The following KCNB2 variants were observed in gnomAD, a reference collection of about 807,000 sequenced individuals.
KCNB2 encodes delayed rectifier potassium channel protein.
In KCNB2, 15 loss-of-function variants were observed where a neutral mutation model predicts 61.5. The ratio of observed to expected loss-of-function variants is 0.24; its 90% CI spans 0.16 to 0.38. The LOEUF (loss-of-function observed/expected upper bound fraction) is 0.38. KCNB2 is among the 10% of genes least tolerant of loss of function. The probability of loss-of-function intolerance (pLI) is 1.00; values close to 1 mark genes in which losing one functional copy is unlikely to be tolerated. For synonymous variants in KCNB2, 457 were observed against 446.0 expected, an observed-to-expected ratio of 1.02 and a Z score of -0.31; for missense variants, 828 against 1,125.2, an observed-to-expected ratio of 0.74 and a Z score of 3.78.
intron 2 of KCNB2, among the ~76,000 whole-genome samples, chr8:72,772,323 T>A (rs1808574540): frequency 6.6e-6 from 1 of 152,214 alleles, no homozygotes; most frequent in Non-Finnish European, 1.5e-5. Context: ...TTCCTGTACA[T>A]CATAGGCTGC....
chr8:72,741,527 T>C (rs2128994576), intron 2 of KCNB2, among the ~76,000 whole-genome samples: 1 of 152,306 alleles, frequency 6.6e-6, no homozygotes, highest in Admixed American at 6.5e-5. Context: ...ACCCAAGCAA[T>C]GTACACTGCA....
intron 2 of KCNB2, among the ~76,000 whole-genome samples, chr8:72,898,229 G>A (rs1251738694): frequency 2.0e-5 from 3 of 151,882 alleles, no homozygotes; most frequent in Admixed American, 1.3e-4. Context: ...GACCATAGGT[G>A]GGAATTGAAC....
At chr8:72,559,363 T>G (rs1806476491) in intron 1 of KCNB2, among the ~76,000 whole-genome samples, 1 of 152,072 alleles carries the variant, frequency 6.6e-6, no homozygotes, top group Non-Finnish European at 1.5e-5. Context: ...CAGGCTGATC[T>G]TGAACTCTTG....
intron 2 of KCNB2, among the ~76,000 whole-genome samples, chr8:72,867,256 TGAGAA>T (rs775136449): frequency 6.6e-6 from 1 of 152,236 alleles, no homozygotes; most frequent in Non-Finnish European, 1.5e-5. Flanking sequence ...TGGCTTGATA[TGAGAA>T]ATCAGGTAGC....
At position 72,811,852 on chromosome 8, in the gene KCNB2, G is replaced by T. The variant is rs1809310468; in HGVS notation, c.580-124083G>T. ...TATAGGAGGAGTCATGAATATTTAT[G>T]AGAAGAGAAACATGTGCATGCGCAA... On this transcript the variant is annotated intron_variant, in intron 2 of 2. Transcript: ENST00000523207. Among the ~76,000 whole-genome samples the T allele has an allele frequency of 2.6e-5, 4 of 152,204 alleles. No individual in the cohort carries two copies. The South Asian group carries it at 8.3e-4, about 31-fold the overall frequency.
intron 2 of KCNB2, among the ~76,000 whole-genome samples, chr8:72,792,699 A>T (rs1166011581): frequency 2.0e-5 from 3 of 152,206 alleles, no homozygotes; most frequent in East Asian, 1.9e-4. Context: ...TCTATGGTAC[A>T]ACTAGAGTTG....
At chr8:72,659,168 G>A (rs780358793) in intron 2 of KCNB2, among the ~76,000 whole-genome samples, 12 of 152,228 alleles carry the variant, frequency 7.9e-5, no homozygotes, top group Admixed American at 2.0e-4. Flanking sequence ...GATGCCATTA[G>A]GAATATTCAT....
chr8:72,614,976 C>T (rs182338231), intron 2 of KCNB2, among the ~76,000 whole-genome samples: 34 of 152,208 alleles, frequency 2.2e-4, no homozygotes, highest in African/African-American at 7.9e-4. Context: ...ACCCTATGAG[C>T]AGATGATAGA....
chr8:72,652,882 T>G (rs889090616), intron 2 of KCNB2, among the ~76,000 whole-genome samples: 1 of 152,116 alleles, frequency 6.6e-6, no homozygotes, highest in African/African-American at 2.4e-5. Context: ...TCTCCAACAG[T>G]TGTGGAGACT....
At chr8:72,816,217 G>A (rs185359460) in intron 2 of KCNB2, among the ~76,000 whole-genome samples, 4 of 152,270 alleles carry the variant, frequency 2.6e-5, no homozygotes, top group Non-Finnish European at 5.9e-5. Context: ...GAATAGTAAT[G>A]CTCATCACCA....
intron 2 of KCNB2, among the ~76,000 whole-genome samples, chr8:72,731,214 C>G (rs901489556): frequency 1.3e-5 from 2 of 152,168 alleles, no homozygotes; most frequent in African/African-American, 2.4e-5. Flanking sequence ...TTATCCTATA[C>G]TTTCAGAGGA....
intron 2 of KCNB2, among the ~76,000 whole-genome samples, chr8:72,647,448 A>G (rs575357016): frequency 4.6e-5 from 7 of 152,284 alleles, no homozygotes; most frequent in East Asian, 3.9e-4. Flanking sequence ...AATCAATTCA[A>G]TTTGCACATA....
intron 2 of KCNB2, among the ~76,000 whole-genome samples, chr8:72,638,419 C>A (rs1806001875): frequency 6.6e-6 from 1 of 152,094 alleles, no homozygotes; most frequent in Non-Finnish European, 1.5e-5. Flanking sequence ...GACCACCGGG[C>A]TTCCTAAGTG....
At chr8:72,638,814 G>A (rs1278232177) in intron 2 of KCNB2, among the ~76,000 whole-genome samples, 2 of 152,076 alleles carry the variant, frequency 1.3e-5, no homozygotes, top group African/African-American at 4.8e-5. Context: ...GGAAAAGCCT[G>A]GAACCTTTCC....
intron 2 of KCNB2, among the ~76,000 whole-genome samples, chr8:72,816,165 C>T (rs1809393117): frequency 6.6e-6 from 1 of 152,050 alleles, no homozygotes. Flanking sequence ...AAATAGATTT[C>T]CTTAAAGAGG....
chr8:72,813,361 C>A (rs1444372647), intron 2 of KCNB2, among the ~76,000 whole-genome samples: 1 of 151,750 alleles, frequency 6.6e-6, no homozygotes, highest in East Asian at 1.9e-4. Context: ...CATCGTAAGA[C>A]TTAAAACGCA....
At chr8:72,720,855 A>T (rs1419855401) in intron 2 of KCNB2, among the ~76,000 whole-genome samples, 1 of 152,232 alleles carries the variant, frequency 6.6e-6, no homozygotes, top group Non-Finnish European at 1.5e-5. Flanking sequence ...GTGAATCTAA[A>T]TACTTTTCGT....
chr8:72,737,639 CG>C (rs1227669543), intron 2 of KCNB2, among the ~76,000 whole-genome samples: 1 of 152,034 alleles, frequency 6.6e-6, no homozygotes, highest in African/African-American at 2.4e-5. Context: ...GAGTCCTCTG[CG>C]GTAAGATGGG....
intron 2 of KCNB2, among the ~76,000 whole-genome samples, chr8:72,656,446 G>T (rs183139930): frequency 4.6e-5 from 7 of 152,040 alleles, no homozygotes; most frequent in Admixed American, 3.3e-4. Flanking sequence ...GTCAACATTC[G>T]AGTCGTAAAT....
Sources: gnomAD v4.1 joint callset for allele counts (sites outside exome capture counted in the v4.1 genomes callset) on GRCh38, gnomAD v4.1.1 for gene constraint, MANE v1.5 for transcripts, NCBI Gene and HGNC (gene_info 2026-07-23, HGNC 2026-07-21) for gene names.